Variants in SLC35F3 observed in about 807,000 individuals in gnomAD.
The protein encoded by SLC35F3 is putative thiamine transporter SLC35F3.
Under a neutral mutation model 49.9 loss-of-function variants are expected in SLC35F3, and 25 were observed. That is an observed-to-expected ratio of 0.50 (90% confidence interval 0.37 to 0.70). SLC35F3 has a LOEUF of 0.70. SLC35F3 is among the 30% of genes least tolerant of loss of function. The pLI is 0.00. For synonymous variants in SLC35F3, 275 were observed against 265.4 expected (o/e 1.04, Z -0.35); for missense variants, 525 against 639.8 (o/e 0.82, Z 1.94).
intron 2 of SLC35F3, among the ~76,000 whole-genome samples, chr1:233,993,788 CTG>C (rs1358879129): frequency 6.6e-6 from 1 of 152,178 alleles, no homozygotes; most frequent in Non-Finnish European, 1.5e-5. Flanking sequence ...ACTGGTGACT[CTG>C]TATCTGTTCT....
At chr1:233,921,782 C>T (rs1051484281) in intron 2 of SLC35F3, among the ~76,000 whole-genome samples, 1 of 151,710 alleles carries the variant, frequency 6.6e-6, no homozygotes, top group Non-Finnish European at 1.5e-5. Flanking sequence ...AGGTATTTCT[C>T]CTAATGCTAT....
At position 234,029,378 on chromosome 1, in the gene SLC35F3, A is replaced by G. The variant is rs550386823; in HGVS notation, c.283+123620A>G. ...CACAGGAACGTGAAAGGCCTCTACA[A>G]AGTGTTGAAGGATCTTGCTATTGAG... On this transcript the variant is annotated intron_variant, in intron 2 of 7. Coordinates refer to ENST00000366618, the MANE Select transcript of SLC35F3 (RefSeq NM_173508.4). Among the ~76,000 whole-genome samples, 8 of 152,280 alleles carry G rather than the reference A, an allele frequency of 5.3e-5. No individual in the cohort carries two copies. The South Asian group carries it at 1.7e-3, about 32-fold the overall frequency.
chr1:234,133,310 A>G (rs1277941244), intron 2 of SLC35F3, among the ~76,000 whole-genome samples: 2 of 152,184 alleles, frequency 1.3e-5, no homozygotes, highest in Non-Finnish European at 2.9e-5. Flanking sequence ...TTTTTAAGAG[A>G]CCCACAGAAA....
intron 3 of SLC35F3, among the ~76,000 whole-genome samples, chr1:234,291,041 T>G (rs1572137502): frequency 6.6e-6 from 1 of 152,132 alleles, no homozygotes; most frequent in South Asian, 2.1e-4. Context: ...ACTGGAGACG[T>G]GAAAAAGCCA....
At chr1:234,244,905 A>G (rs1226943647) in intron 3 of SLC35F3, among the ~76,000 whole-genome samples, 1 of 152,222 alleles carries the variant, frequency 6.6e-6, no homozygotes, top group African/African-American at 2.4e-5. Context: ...TAGACTATGT[A>G]ATGATCAAGT....
At chr1:233,921,948 C>T (rs936883093) in intron 2 of SLC35F3, among the ~76,000 whole-genome samples, 4 of 152,146 alleles carry the variant, frequency 2.6e-5, no homozygotes, top group Admixed American at 6.6e-5. Flanking sequence ...CAGCTTCATC[C>T]GTGTCCCTAC....
chr1:233,918,550 C>T (rs1558178087), intron 2 of SLC35F3, among the ~76,000 whole-genome samples: 1 of 152,164 alleles, frequency 6.6e-6, no homozygotes. Flanking sequence ...AATCCCAGCA[C>T]TTTGGCCAGG....
intron 2 of SLC35F3, among the ~76,000 whole-genome samples, chr1:234,181,338 G>GAAAAAAAAAAAAAAAAAAAAAAAAAA (rs34757532): frequency 4.1e-5 from 4 of 97,306 alleles, no homozygotes; most frequent in African/African-American, 1.2e-4. Flanking sequence ...TCTGTCTCAA[G>GAAAAAAAAAAAAAAAAAAAAAAAAAA]AAAAAAAAAA....
chr1:234,034,703 G>C (rs769540445), intron 2 of SLC35F3, among the ~76,000 whole-genome samples: 1 of 151,816 alleles, frequency 6.6e-6, no homozygotes, highest in Non-Finnish European at 1.5e-5. Flanking sequence ...TTGTATTTTT[G>C]GTAGAGATGG....
intron 2 of SLC35F3, among the ~76,000 whole-genome samples, chr1:234,023,040 A>C (rs1217640629): frequency 6.6e-6 from 1 of 152,172 alleles, no homozygotes; most frequent in African/African-American, 2.4e-5. Context: ...AAATCAAAGA[A>C]GTTTCCCCAG....
chr1:234,147,772 C>T (rs1007968501), intron 2 of SLC35F3, among the ~76,000 whole-genome samples: 9 of 152,200 alleles, frequency 5.9e-5, no homozygotes, highest in Non-Finnish European at 1.2e-4. Context: ...CCCTTAGAGG[C>T]GTGGTTTTCA....
At chr1:234,277,258 G>A (rs1313385357) in intron 3 of SLC35F3, among the ~76,000 whole-genome samples, 1 of 152,224 alleles carries the variant, frequency 6.6e-6, no homozygotes, top group Admixed American at 6.5e-5. Flanking sequence ...TGTGGATGAA[G>A]GTAATGGGGA....
intron 2 of SLC35F3, among the ~76,000 whole-genome samples, chr1:234,180,114 G>A (rs1192813562): frequency 1.3e-5 from 2 of 152,208 alleles, no homozygotes; most frequent in Non-Finnish European, 1.5e-5. Flanking sequence ...CACCTGGCTA[G>A]AAATGACAGT....
chr1:233,997,664 T>C (rs1663482581), intron 2 of SLC35F3, among the ~76,000 whole-genome samples: 1 of 152,224 alleles, frequency 6.6e-6, no homozygotes, highest in Non-Finnish European at 1.5e-5. Context: ...CTGATTCTTT[T>C]CTTTTCTATG....
At chr1:234,058,081 GC>G (rs1664481505) in intron 2 of SLC35F3, among the ~76,000 whole-genome samples, 7 of 151,978 alleles carry the variant, frequency 4.6e-5, no homozygotes, top group Non-Finnish European at 1.0e-4. Flanking sequence ...TTATGGGTTT[GC>G]ATACATACCC....
chr1:234,217,996 G>A (rs1667148904), intron 2 of SLC35F3, among the ~76,000 whole-genome samples: 1 of 152,214 alleles, frequency 6.6e-6, no homozygotes, highest in Admixed American at 6.5e-5. Flanking sequence ...GAGAGAACAT[G>A]GATGCTAGGG....
At chr1:233,991,529 T>G (rs1325467409) in intron 2 of SLC35F3, among the ~76,000 whole-genome samples, 1 of 152,178 alleles carries the variant, frequency 6.6e-6, no homozygotes, top group Non-Finnish European at 1.5e-5. Context: ...TAGAGAGTGT[T>G]CAATTCCTCC....
chr1:234,191,061 T>C (rs776110221), intron 2 of SLC35F3, among the ~76,000 whole-genome samples: 20 of 152,306 alleles, frequency 1.3e-4, no homozygotes, highest in Non-Finnish European at 2.4e-4. Flanking sequence ...GAGGTAATGA[T>C]TGGTTAGCTG....
At chr1:234,133,821 A>G (rs922310316) in intron 2 of SLC35F3, among the ~76,000 whole-genome samples, 1 of 152,202 alleles carries the variant, frequency 6.6e-6, no homozygotes, top group African/African-American at 2.4e-5. Context: ...CTTTGATTTT[A>G]TGAATCCAGA....
Sources: gnomAD v4.1 joint callset for allele counts (sites outside exome capture counted in the v4.1 genomes callset) on GRCh38, gnomAD v4.1.1 for gene constraint, MANE v1.5 for transcripts, NCBI Gene and HGNC (gene_info 2026-07-23, HGNC 2026-07-21) for gene names.